ZSCAN25: variants seen among roughly 807,000 people sequenced by gnomAD.
ZSCAN25 encodes zinc finger and SCAN domain containing 25.
A neutral mutation model predicts 38.7 loss-of-function variants in ZSCAN25; 27 were observed. That is an observed-to-expected ratio of 0.70 (90% CI 0.51 to 0.96). The LOEUF (loss-of-function observed/expected upper bound fraction) is 0.96. ZSCAN25 is among the 40% of genes least tolerant of loss of function. The pLI, the probability that ZSCAN25 is intolerant of heterozygous loss-of-function variation, is 0.00. For synonymous variants in ZSCAN25, 273 were observed against 277.7 expected, an observed-to-expected ratio of 0.98 and a Z score of 0.17; for missense variants, 637 against 705.9, an observed-to-expected ratio of 0.90 and a Z score of 1.11.
the ZSCAN25 span, chr7:99,648,280 C>T: frequency 6.2e-7 from 1 of 1,602,030 alleles, no homozygotes; most frequent in Non-Finnish European, 8.5e-7. Context: ...TTCTTGAAGA[C>T]CAAAGTAGAA....
chr7:99,650,531 A>C, the ZSCAN25 span, among the ~76,000 whole-genome samples: 1 of 152,220 alleles, frequency 6.6e-6, no homozygotes, highest in Non-Finnish European at 1.5e-5. Flanking sequence ...ATGTGTTCAC[A>C]CTATAAAAGG....
the ZSCAN25 span, among the ~76,000 whole-genome samples, chr7:99,684,315 A>ATG: frequency 9.9e-3 from 1,504 of 151,742 alleles, 16 homozygotes; most frequent in Non-Finnish European, 0.014. Flanking sequence ...TTATAGGTGC[A>ATG]TACCACCACA....
At chr7:99,716,040 C>A in the ZSCAN25 span, 1 of 1,541,398 alleles carries the variant, frequency 6.5e-7, no homozygotes, top group Non-Finnish European at 8.9e-7. Context: ...TTTACTGGAG[C>A]ATCTCCCATC....
the ZSCAN25 span, chr7:99,663,572 A>G: frequency 2.0e-6 from 2 of 993,868 alleles, no homozygotes; most frequent in South Asian, 9.2e-5. Flanking sequence ...TTAATTGCAG[A>G]ATATGTAAAA....
rs1050813267 is a variant in ZSCAN25, at chr7:99,620,140, G to A, written c.387+147G>A. 4.9e-6 allele frequency: 6 copies of A among 1,222,664 alleles called. No individual in the cohort carries two copies. In the African/African-American group the frequency reaches 6.1e-5, roughly 12 times the overall value. 75.7% of individuals were successfully genotyped at this position (1,222,664 alleles called of 1,614,324 possible). ...GACTCCCTGAGGTTCTTTTTGGAGA[G>A]CAGTGGCGTTTTCAGCAAGAAAGGC... On this transcript the variant is annotated intron_variant, in intron 4 of 7. Coordinates refer to ENST00000394152, the MANE Select transcript of ZSCAN25 (RefSeq NM_145115.3).
At chr7:99,734,995 GAGAAGAGGAGCC>G in the ZSCAN25 span, 1 of 1,613,788 alleles carries the variant, frequency 6.2e-7, no homozygotes, top group Non-Finnish European at 8.5e-7. Flanking sequence ...CAAGGAAACA[GAGAAGAGGAGCC>G]TGAACAGTTA....
chr7:99,716,028 T>C, the ZSCAN25 span: 1 of 1,580,300 alleles, frequency 6.3e-7, no homozygotes, highest in South Asian at 1.1e-5. Flanking sequence ...CTTTCAGAAC[T>C]ATTTACTGGA....
chr7:99,629,058 G>T lies in ZSCAN25; in HGVS notation c.806-133G>T, dbSNP rs1807742077. 1.6e-6 allele frequency: 2 copies of T among 1,264,554 alleles called. No individual in the cohort carries two copies. Among genetic ancestry groups the T allele is most frequent in the Admixed American group, 5.8e-5 (2 of 34,230 alleles). 78.3% of individuals were successfully genotyped at this position (1,264,554 alleles called of 1,614,324 possible). A position where few individuals can be genotyped will look rare whatever the true frequency, so the allele number is the denominator to read the frequency against. On this transcript the variant is annotated intron_variant, in intron 7 of 7. Coordinates refer to ENST00000394152, the MANE Select transcript of ZSCAN25 (RefSeq NM_145115.3). The surrounding 1 kb of genome is among the most constrained non-coding windows in gnomAD (Gnocchi z 5.6). ...AAATAAGGAAAAAGAAGTAAGGAAAGCCTGAGTTGAGGTTGTTGGTCAAAG... is the reference window on the plus strand; with the variant it reads ...AAATAAGGAAAAAGAAGTAAGGAAATCCTGAGTTGAGGTTGTTGGTCAAAG...
chr7:99,617,388 G>T (rs907569064), intron 1 of ZSCAN25, among the ~76,000 whole-genome samples: 1 of 152,238 alleles, frequency 6.6e-6, no homozygotes, highest in Non-Finnish European at 1.5e-5. Context: ...TGATGAGCCA[G>T]CCTGGTCAAC....
the ZSCAN25 span, chr7:99,666,890 T>C: frequency 2.5e-6 from 4 of 1,603,382 alleles, no homozygotes; most frequent in African/African-American, 5.4e-5. Flanking sequence ...GTGATCTTAC[T>C]TTCTACCTGT....
chr7:99,622,845 C>T (rs1332148343), intron 6 of ZSCAN25, among the ~76,000 whole-genome samples: 1 of 152,218 alleles, frequency 6.6e-6, no homozygotes, highest in East Asian at 1.9e-4. Context: ...TTATGTCTGT[C>T]GCCCAGGCTG....
chr7:99,665,163 T>C, the ZSCAN25 span: 1 of 1,605,160 alleles, frequency 6.2e-7, no homozygotes, highest in Admixed American at 1.7e-5. Context: ...ATAGCCCACA[T>C]ACTTATTGAG....
At chr7:99,679,830 A>G in the ZSCAN25 span, 1 of 1,614,154 alleles carries the variant, frequency 6.2e-7, no homozygotes, top group Non-Finnish European at 8.5e-7. Flanking sequence ...ACTCACAGAT[A>G]GAGGAGCACC....
chr7:99,633,248 A>G (rs1261305055), downstream of ZSCAN25, among the ~76,000 whole-genome samples: 1 of 152,236 alleles, frequency 6.6e-6, no homozygotes, highest in African/African-American at 2.4e-5. Flanking sequence ...TTAGTGGTGT[A>G]ATCAGATTCA....
chr7:99,627,038 C>T (rs575334350), intron 7 of ZSCAN25, among the ~76,000 whole-genome samples: 2 of 152,316 alleles, frequency 1.3e-5, no homozygotes, highest in African/African-American at 4.8e-5. Context: ...AATTTTCAAA[C>T]ATACAGAAAA....
chr7:99,733,226 C>G, the ZSCAN25 span, among the ~76,000 whole-genome samples: 1 of 152,206 alleles, frequency 6.6e-6, no homozygotes. Context: ...TGCTTCTAAA[C>G]TTTCTACATG....
At chr7:99,639,202 A>C in the ZSCAN25 span, among the ~76,000 whole-genome samples, 9 of 152,246 alleles carry the variant, frequency 5.9e-5, no homozygotes, top group African/African-American at 1.9e-4. Context: ...ACTTTAGCTG[A>C]GAATCACTGT....
the ZSCAN25 span, among the ~76,000 whole-genome samples, chr7:99,681,497 C>G: frequency 6.6e-6 from 1 of 152,210 alleles, no homozygotes. Flanking sequence ...TGGATAAAAA[C>G]CATTTTAGCT....
At chr7:99,664,320 A>C in the ZSCAN25 span, among the ~76,000 whole-genome samples, 9 of 152,240 alleles carry the variant, frequency 5.9e-5, no homozygotes, top group Non-Finnish European at 8.8e-5. Flanking sequence ...GCACCTTCTG[A>C]GTCTTTGGAG....
Sources: allele counts gnomAD v4.1 joint callset (sites outside exome capture counted in the v4.1 genomes callset), GRCh38; gene constraint gnomAD v4.1.1; non-coding constraint Gnocchi (gnomAD v3.1); transcripts MANE v1.5; gene names NCBI Gene and HGNC (gene_info 2026-07-23, HGNC 2026-07-21).